Variants in DCC observed in about 807,000 individuals in gnomAD.
DCC encodes netrin receptor DCC.
A neutral mutation model predicts 172.5 loss-of-function variants in DCC; 58 were observed. The ratio of observed to expected loss-of-function variants is 0.34; its 90% CI spans 0.27 to 0.42. The LOEUF (loss-of-function observed/expected upper bound fraction) is 0.42. DCC is among the 10% of genes least tolerant of loss of function. The pLI is 1.00. For missense variants in DCC, 1,740 were observed against 1,791.0 expected (o/e 0.97, Z 0.51); for synonymous variants, 709 against 644.5 (o/e 1.10, Z -1.52).
chr18:52,588,229 T>C (rs780002151), intron 1 of DCC, among the ~76,000 whole-genome samples: 13 of 152,236 alleles, frequency 8.5e-5, no homozygotes, highest in Non-Finnish European at 1.6e-4. Context: ...TATAGGGTCC[T>C]GCCAAAGGCT....
At chr18:53,077,698 G>A (rs935224063) in intron 7 of DCC, among the ~76,000 whole-genome samples, 2 of 152,124 alleles carry the variant, frequency 1.3e-5, no homozygotes, top group Admixed American at 6.6e-5. Context: ...CACACAGCTA[G>A]CAAAACATCT....
intron 1 of DCC, among the ~76,000 whole-genome samples, chr18:52,573,740 T>A (rs1488555417): frequency 6.6e-6 from 1 of 152,212 alleles, no homozygotes; most frequent in African/African-American, 2.4e-5. Flanking sequence ...AAGACCATCT[T>A]GAGCACTGCT....
chr18:52,936,372 T>C (rs903709759), intron 5 of DCC, among the ~76,000 whole-genome samples: 2 of 122,622 alleles, frequency 1.6e-5, no homozygotes, highest in African/African-American at 5.7e-5. Context: ...GTAATGGAAA[T>C]ACAAGTTGGA....
At chr18:53,435,357 A>C (rs1911872154) in intron 22 of DCC, 148 bp downstream of exon 22, 1 of 609,202 alleles carries the variant, frequency 1.6e-6, no homozygotes, top group Admixed American at 2.6e-5. Flanking sequence ...TGAAGTTATT[A>C]AAAAACAAAA....
At chr18:53,336,782 G>A (rs2057596520) in intron 14 of DCC, among the ~76,000 whole-genome samples, 2 of 152,150 alleles carry the variant, frequency 1.3e-5, no homozygotes, top group South Asian at 2.1e-4. Context: ...AGGTTGAGGT[G>A]GGAGGTTGGC....
chr18:53,328,918 T>C (rs576729528), intron 14 of DCC, among the ~76,000 whole-genome samples: 2 of 152,326 alleles, frequency 1.3e-5, no homozygotes, highest in African/African-American at 4.8e-5. Flanking sequence ...GACCATTGGT[T>C]TTATGAAACT....
chr18:52,475,779 A>G (rs553164421), intron 1 of DCC, among the ~76,000 whole-genome samples: 1 of 152,210 alleles, frequency 6.6e-6, no homozygotes, highest in African/African-American at 2.4e-5. Flanking sequence ...TTAGAGTAAT[A>G]ATGATGAATT....
At chr18:52,645,299 A>G (rs920090651) in intron 1 of DCC, among the ~76,000 whole-genome samples, 3 of 152,116 alleles carry the variant, frequency 2.0e-5, no homozygotes, top group African/African-American at 7.2e-5. Context: ...AATAGCTCTC[A>G]GCCTTAAAGA....
intron 19 of DCC, among the ~76,000 whole-genome samples, chr18:53,403,499 A>G (rs2145039014): frequency 6.6e-6 from 1 of 152,358 alleles, no homozygotes; most frequent in Non-Finnish European, 1.5e-5. Context: ...AGCATCCATT[A>G]GAAGCCTGTA....
chr18:53,475,923 C>T (rs532353522), intron 25 of DCC, among the ~76,000 whole-genome samples: 14 of 152,134 alleles, frequency 9.2e-5, no homozygotes, highest in East Asian at 1.9e-4. Flanking sequence ...GCCACAGGGA[C>T]GGAGATGCCC....
chr18:53,396,512 C>A (rs1334944528), intron 17 of DCC, among the ~76,000 whole-genome samples: 1 of 152,130 alleles, frequency 6.6e-6, no homozygotes, highest in Admixed American at 6.6e-5. Flanking sequence ...CCAATGTAAT[C>A]CTTTAGTATT....
chr18:53,021,903 AG>A (rs2041886900), intron 5 of DCC, among the ~76,000 whole-genome samples: 1 of 152,224 alleles, frequency 6.6e-6, no homozygotes, highest in Non-Finnish European at 1.5e-5. Context: ...TTTATTCAAA[AG>A]TTCTGGTTTC....
intron 12 of DCC, among the ~76,000 whole-genome samples, chr18:53,264,477 A>G (rs1374545955): frequency 2.5e-5 from 3 of 122,282 alleles, no homozygotes; most frequent in Admixed American, 8.0e-5. Flanking sequence ...ACTCCGTCTC[A>G]AAAAAAAAAA....
At chr18:53,045,723 T>C (rs959806335) in intron 5 of DCC, among the ~76,000 whole-genome samples, 3 of 151,936 alleles carry the variant, frequency 2.0e-5, no homozygotes, top group African/African-American at 7.2e-5. Context: ...AAGTCTAATG[T>C]ATGCCTTTGT....
chr18:52,718,604 T>G (rs1028514192), intron 1 of DCC, among the ~76,000 whole-genome samples: 4 of 152,194 alleles, frequency 2.6e-5, no homozygotes, highest in Admixed American at 6.5e-5. Context: ...CGTGTGGCTC[T>G]GTGGGATAGT....
intron 2 of DCC, among the ~76,000 whole-genome samples, chr18:52,806,016 T>G (rs2038077388): frequency 6.6e-6 from 1 of 152,246 alleles, no homozygotes. Flanking sequence ...TTTAAGGTGA[T>G]GAAGGACTTT....
At chr18:53,149,785 G>C (rs895301242) in intron 7 of DCC, among the ~76,000 whole-genome samples, 1 of 152,158 alleles carries the variant, frequency 6.6e-6, no homozygotes, top group Non-Finnish European at 1.5e-5. Context: ...TCGTTGCTGA[G>C]ATGAAAATAC....
At chr18:53,016,657 A>G (rs1308996171) in intron 5 of DCC, among the ~76,000 whole-genome samples, 3 of 152,172 alleles carry the variant, frequency 2.0e-5, no homozygotes, top group African/African-American at 4.8e-5. Context: ...ATTTAATTTT[A>G]TAATGGGAGT....
intron 7 of DCC, among the ~76,000 whole-genome samples, chr18:53,129,684 A>G (rs11875455): frequency 0.11 from 17,233 of 152,116 alleles, 1,095 homozygotes; most frequent in Non-Finnish European, 0.13. Context: ...TTTGCTGAGT[A>G]GTATTCAATT....
Sources: allele counts gnomAD v4.1 joint callset (sites outside exome capture counted in the v4.1 genomes callset), GRCh38; gene constraint gnomAD v4.1.1; transcripts MANE v1.5; gene names NCBI Gene and HGNC (gene_info 2026-07-23, HGNC 2026-07-21).